Variants in PSPC1 observed in about 807,000 individuals in gnomAD.
The protein encoded by PSPC1 is paraspeckle protein 1.
In PSPC1, 14 loss-of-function variants were observed where a neutral mutation model predicts 51.6. The ratio of observed to expected loss-of-function variants is 0.27; its 90% CI spans 0.18 to 0.42. The LOEUF is 0.42. Among genes scored for constraint, PSPC1 ranks in the 10% least tolerant of loss-of-function variants. The pLI, the probability that PSPC1 is intolerant of heterozygous loss-of-function variation, is 1.00. For synonymous variants in PSPC1, 193 were observed against 231.9 expected (o/e 0.83, Z 1.53); for missense variants, 406 against 701.1 (o/e 0.58, Z 4.75).
chr13:19,703,067 A>C lies in PSPC1; in HGVS notation c.*108T>G. Reference sequence around the variant, plus strand: ...GTTTTACAAAAAAAAAAAAACTTTTAAGTCTACATACATTAACAATAAAAC... The same window carrying C: ...GTTTTACAAAAAAAAAAAAACTTTTCAGTCTACATACATTAACAATAAAAC... On this transcript the variant is annotated 3_prime_UTR_variant, in exon 9 of 9. Transcript: ENST00000338910. 1 of 737,258 alleles carries C rather than the reference A, an allele frequency of 1.4e-6. No homozygotes were observed. The highest frequency in any genetic ancestry group is 2.1e-6 in the Non-Finnish European group (1 of 471,718). The allele number at this position is 737,258 out of a possible 1,614,324, so 45.7% of individuals were successfully genotyped here.
At chr13:19,678,486 C>T (rs906679819) in intron 6 of PSPC1, 1 of 152,154 alleles carries the variant, frequency 6.6e-6, no homozygotes, top group Admixed American at 6.5e-5. Flanking sequence ...CATAAACATA[C>T]AGCTGTGTGC....
intron 6 of PSPC1, among the ~76,000 whole-genome samples, chr13:19,713,618 G>A (rs2297584): frequency 0.63 from 93,852 of 149,868 alleles, 32,728 homozygotes; most frequent in East Asian, 0.89. Flanking sequence ...TTATCTTTGC[G>A]GTATTTATAA....
intron 5 of PSPC1, among the ~76,000 whole-genome samples, chr13:19,740,268 G>A (rs927095850): frequency 2.0e-5 from 3 of 151,920 alleles, no homozygotes; most frequent in South Asian, 2.1e-4. Context: ...GCTTGAACCC[G>A]GGAGGCGGAG....
At chr13:19,741,542 T>G (rs1885432179) in intron 5 of PSPC1, 23 bp downstream of exon 5, 6 of 1,489,872 alleles carry the variant, frequency 4.0e-6, no homozygotes, top group Non-Finnish European at 5.5e-6. Context: ...CAATTCATGT[T>G]TCTTAAAATG....
At chr13:19,681,668 C>T (rs1404934328) in intron 6 of PSPC1, among the ~76,000 whole-genome samples, 2 of 152,110 alleles carry the variant, frequency 1.3e-5, no homozygotes, top group African/African-American at 4.8e-5. Flanking sequence ...GGTTTCCTTT[C>T]GGAGAAAGGT....
At chr13:19,693,045 C>G (rs1878755047) in intron 6 of PSPC1, among the ~76,000 whole-genome samples, 1 of 152,176 alleles carries the variant, frequency 6.6e-6, no homozygotes, top group Non-Finnish European at 1.5e-5. Flanking sequence ...AACTCCTTAA[C>G]AGTGATCAAT....
chr13:19,702,585 A>T lies in PSPC1; in HGVS notation c.*590T>A, dbSNP rs988471362. ...ATAATCTGTCTCAGAATACCTGAATATTCAGAAGCTATATGAAATGTAGCT... is the reference window on the plus strand; with the variant it reads ...ATAATCTGTCTCAGAATACCTGAATTTTCAGAAGCTATATGAAATGTAGCT... On this transcript the variant is annotated 3_prime_UTR_variant, in exon 9 of 9. Transcript: ENST00000338910. 2.0e-5 allele frequency: 3 copies of T among 152,218 alleles called. No homozygotes were observed. Among genetic ancestry groups the T allele is most frequent in the Admixed American group, 6.5e-5 (1 of 15,288 alleles). The allele number at this position is 152,218 out of a possible 1,614,324, so 9.4% of individuals were successfully genotyped here.
intron 6 of PSPC1, among the ~76,000 whole-genome samples, chr13:19,688,308 T>C (rs1229545844): frequency 5.3e-5 from 8 of 152,170 alleles, no homozygotes; most frequent in Non-Finnish European, 1.2e-4. Flanking sequence ...TAGCAGGTGA[T>C]TCTTACAGAT....
In PSPC1 at chr13:19,693,290, C is replaced by T. The variant is rs138808658; in HGVS notation, c.1159-15467G>A. Among the ~76,000 whole-genome samples the T allele has an allele frequency of 2.2e-3, 334 of 152,314 alleles. 1 individual carries two copies. Among genetic ancestry groups the T allele is most frequent in the African/African-American group, 5.9e-3 (247 of 41,570 alleles). The stretch of plus-strand genomic sequence containing the variant: ...TCCCAGTCTCCGCAAAGTAAATGAA[C>T]TATTTGCGTCTGGGTTTTCAAAGAA... On this transcript the variant is annotated intron_variant and NMD_transcript_variant, in intron 6 of 7. Transcript: ENST00000471658.
At chr13:19,675,281 C>T (rs2290812) in intron 7 of PSPC1, 17,603 of 152,158 alleles carry the variant, frequency 0.12, 1,148 homozygotes, top group Middle Eastern at 0.14. Context: ...TCTAATGGTT[C>T]CCAGGCACAG....
At chr13:19,671,640 C>T (rs773936009), downstream of PSPC1, among the ~76,000 whole-genome samples, 11 of 152,130 alleles carry the variant, frequency 7.2e-5, no homozygotes, top group Non-Finnish European at 1.5e-4. Context: ...TCTAATAAAA[C>T]AGTAATATAA....
chr13:19,758,363 T>C (rs1416083371), intron 3 of PSPC1, among the ~76,000 whole-genome samples: 3 of 100,734 alleles, frequency 3.0e-5, no homozygotes, highest in Non-Finnish European at 6.3e-5. Context: ...TATACTTGTA[T>C]TATTCTAAGT....
At position 19,755,125 on chromosome 13, in the gene PSPC1, T is replaced by C. The variant is rs185639902; in HGVS notation, c.771-3658A>G. The stretch of plus-strand genomic sequence containing the variant: ...GGCCCACATCTGTAGTCCCAGCTAC[T>C]TGGGGGGTGCTGAGGTGGAAGGATC... On this transcript the variant is annotated intron_variant, in intron 3 of 8. Transcript: ENST00000338910. 3.9e-3 allele frequency among the ~76,000 whole-genome samples: 588 copies of C among 151,906 alleles called. 4 individuals carry two copies. The highest frequency in any genetic ancestry group is 8.5e-3 in the South Asian group (41 of 4,818).
At chr13:19,750,159 G>A (rs969142258) in intron 4 of PSPC1, among the ~76,000 whole-genome samples, 1 of 152,140 alleles carries the variant, frequency 6.6e-6, no homozygotes, top group African/African-American at 2.4e-5. Flanking sequence ...ACACAGAACG[G>A]TTTAAAGAAA....
intron 6 of PSPC1, among the ~76,000 whole-genome samples, chr13:19,721,575 T>C (rs568849230): frequency 6.6e-6 from 1 of 152,306 alleles, no homozygotes; most frequent in East Asian, 1.9e-4. Context: ...AATGACACTC[T>C]CAGTAGAGAA....
At chr13:19,710,416 CTT>C (rs1881246093) in intron 6 of PSPC1, among the ~76,000 whole-genome samples, 1 of 152,090 alleles carries the variant, frequency 6.6e-6, no homozygotes, top group Non-Finnish European at 1.5e-5. Context: ...GCAATTTTCA[CTT>C]TGACTTGATG....
At chr13:19,691,277 T>TC (rs574725773) in intron 6 of PSPC1, among the ~76,000 whole-genome samples, 73 of 152,264 alleles carry the variant, frequency 4.8e-4, no homozygotes, top group Non-Finnish European at 5.3e-4. Flanking sequence ...TCCCAGCACT[T>TC]TGGGAGGCCA....
In PSPC1 at chr13:19,782,377, G is replaced by A. The variant is rs1890070988; in HGVS notation, c.372+9C>T. The A allele has an allele frequency of 6.3e-7, 1 of 1,577,228 alleles. No individual in the cohort carries two copies. The highest frequency in any genetic ancestry group is 2.0e-4 in the Middle Eastern group (1 of 5,102). ...CTTTTGTTCCCTCGCGCGGGCGCCT[G>A]ACACTCACCAAGCGGATGAAGCCGA... On this transcript the variant is annotated intron_variant, in intron 1 of 8. Transcript: ENST00000338910. This position sits in a 1 kb window ranked among gnomAD's most constrained non-coding sequence, Gnocchi z 4.5.
At chr13:19,758,240 G>A (rs2138188836) in intron 3 of PSPC1, among the ~76,000 whole-genome samples, 2 of 152,094 alleles carry the variant, frequency 1.3e-5, no homozygotes, top group South Asian at 2.1e-4. Flanking sequence ...GTGAACCCGG[G>A]AGATGGAGCT....
Sources: gnomAD v4.1 joint callset for allele counts (sites outside exome capture counted in the v4.1 genomes callset) on GRCh38, gnomAD v4.1.1 for gene constraint, Gnocchi (gnomAD v3.1) non-coding constraint, MANE v1.5 for transcripts, NCBI Gene and HGNC (gene_info 2026-07-23, HGNC 2026-07-21) for gene names.